ZYG11A: variants seen among roughly 807,000 people sequenced by gnomAD.
ZYG11A encodes the protein protein zyg-11 homolog A.
In ZYG11A, 62 loss-of-function variants were observed where a neutral mutation model predicts 77.2. The ratio of observed to expected loss-of-function variants is 0.80; its 90% confidence interval spans 0.65 to 0.99. The LOEUF (loss-of-function observed/expected upper bound fraction) is 0.99, where lower values mean the gene tolerates loss of function less well. Ranked by LOEUF, ZYG11A falls within the 50% of genes least tolerant of loss-of-function variation. The pLI is 0.00. For synonymous variants in ZYG11A, 315 were observed against 324.6 expected (o/e 0.97, Z 0.32); for missense variants, 828 against 896.8 (o/e 0.92, Z 0.98).
intron 1 of ZYG11A, among the ~76,000 whole-genome samples, chr1:52,849,410 C>T (rs2149986615): frequency 6.6e-6 from 1 of 152,128 alleles, no homozygotes; most frequent in South Asian, 2.1e-4. Context: ...GTCGCTCAGG[C>T]TGGAGTGCAG....
chr1:52,845,122 T>G (rs1229773119), intron 1 of ZYG11A, among the ~76,000 whole-genome samples: 1 of 152,084 alleles, frequency 6.6e-6, no homozygotes, highest in Non-Finnish European at 1.5e-5. Flanking sequence ...CTTGATGAAT[T>G]GGCCCTTTTA....
At chr1:52,846,310 TTATATATATATATATATA>T (rs869093943) in intron 1 of ZYG11A, among the ~76,000 whole-genome samples, 1,212 of 35,600 alleles carry the variant, frequency 0.034, 33 homozygotes, top group Non-Finnish European at 0.066. Context: ...TTTTAAATTT[TTATATATATATATATATA>T]TATATATATA....
intron 1 of ZYG11A, among the ~76,000 whole-genome samples, chr1:52,852,296 C>T (rs1019841225): frequency 6.6e-6 from 1 of 151,726 alleles, no homozygotes. Flanking sequence ...ATCCACCCAC[C>T]TCATCTTCCC....
At chr1:52,871,204 T>A (rs965228725) in intron 8 of ZYG11A, among the ~76,000 whole-genome samples, 1 of 152,314 alleles carries the variant, frequency 6.6e-6, no homozygotes, top group African/African-American at 2.4e-5. Flanking sequence ...GCAAGTGGCA[T>A]GATCATGGTT....
rs1266242773 is a variant in ZYG11A, at chr1:52,846,306, ATT to A, written c.90+3337_90+3338del. On this transcript the variant is annotated intron_variant, in intron 1 of 13. Transcript: ENST00000371528. ...TCTTTTGGAAATCATGGCTTTTTAAATTTTTATATATATATATATATATATAT... is the reference window on the plus strand; with the variant it reads ...TCTTTTGGAAATCATGGCTTTTTAAATTTATATATATATATATATATATAT... Among the ~76,000 whole-genome samples the A allele has an allele frequency of 4.3e-3, 127 of 29,486 alleles. 4 individuals are homozygous for A. Among genetic ancestry groups the A allele is most frequent in the African/African-American group, 0.013 (92 of 7,316 alleles). 19.3% of individuals were successfully genotyped at this position (29,486 alleles called of 152,430 possible).
intron 1 of ZYG11A, among the ~76,000 whole-genome samples, chr1:52,850,958 C>T (rs1645698166): frequency 6.6e-6 from 1 of 151,958 alleles, no homozygotes; most frequent in Admixed American, 6.6e-5. Context: ...TTTCCTGCTT[C>T]TCATGTCTGA....
chr1:52,845,387 C>T (rs1465123680), intron 1 of ZYG11A, among the ~76,000 whole-genome samples: 1 of 149,632 alleles, frequency 6.7e-6, no homozygotes, highest in African/African-American at 2.5e-5. Flanking sequence ...CTCACTGCAA[C>T]CTCCGCCTCC....
Position 52,893,166 on chromosome 1 carries a change from A to G in ZYG11A, c.*209A>G. On this transcript the variant is annotated 3_prime_UTR_variant, in exon 14 of 14. Coordinates refer to ENST00000371528, the MANE Select transcript of ZYG11A (RefSeq NM_001004339.3). Reference sequence around the variant, plus strand: ...ACTCATTCTGCAGCCTTTCAGCAGCAATTTTGAAGACTCAAACCGTGGACT... The same window carrying G: ...ACTCATTCTGCAGCCTTTCAGCAGCGATTTTGAAGACTCAAACCGTGGACT... 1.9e-6 allele frequency: 1 copy of G among 520,626 alleles called. No homozygotes were observed. The allele number at this position is 520,626 out of a possible 1,614,324, so 32.3% of individuals were successfully genotyped here.
At chr1:52,859,642 T>A (rs900200870) in intron 3 of ZYG11A, among the ~76,000 whole-genome samples, 58 of 147,516 alleles carry the variant, frequency 3.9e-4, no homozygotes, top group Non-Finnish European at 1.2e-4. Flanking sequence ...GCTGGGCTCT[T>A]TATTTTTATC....
At chr1:52,889,629 A>C (rs987845152) in intron 13 of ZYG11A, among the ~76,000 whole-genome samples, 4 of 151,790 alleles carry the variant, frequency 2.6e-5, no homozygotes, top group Non-Finnish European at 4.4e-5. Flanking sequence ...AATATATTTT[A>C]GTTCTACCTT....
At chr1:52,871,736 C>G (rs542979249) in intron 8 of ZYG11A, among the ~76,000 whole-genome samples, 1 of 152,304 alleles carries the variant, frequency 6.6e-6, no homozygotes, top group South Asian at 2.1e-4. Context: ...GATCTGTCCT[C>G]GGATTTCTTT....
chr1:52,889,775 A>G (rs906464193), intron 13 of ZYG11A, among the ~76,000 whole-genome samples: 5 of 147,084 alleles, frequency 3.4e-5, no homozygotes, highest in African/African-American at 1.3e-4. Flanking sequence ...GCAGTGGTGC[A>G]CTCTTGGCTC....
At chr1:52,890,929 G>A (rs993675220) in intron 13 of ZYG11A, among the ~76,000 whole-genome samples, 3 of 150,618 alleles carry the variant, frequency 2.0e-5, no homozygotes, top group East Asian at 2.0e-4. Context: ...AGACAGTTTC[G>A]CTCTTGTTGC....
chr1:52,847,695 G>C (rs2149984382), intron 1 of ZYG11A, among the ~76,000 whole-genome samples: 1 of 149,014 alleles, frequency 6.7e-6, no homozygotes, highest in Admixed American at 6.7e-5. Context: ...CCTTGGGACG[G>C]AGTCTCGCTC....
chr1:52,855,164 C>T (rs960374333), intron 2 of ZYG11A, among the ~76,000 whole-genome samples: 3 of 150,862 alleles, frequency 2.0e-5, no homozygotes, highest in East Asian at 2.0e-4. Flanking sequence ...GCCCGGCCTG[C>T]TCTCTAGCTT....
chr1:52,885,668 T>G (rs940137228), intron 11 of ZYG11A, among the ~76,000 whole-genome samples, 165 bp from the exon 12 acceptor site: 4 of 109,826 alleles, frequency 3.6e-5, no homozygotes, highest in African/African-American at 1.2e-4. Flanking sequence ...TTCTTGTAAT[T>G]TTTCCCACAT....
At chr1:52,892,302 C>CGGAT (rs1175315048) in intron 13 of ZYG11A, among the ~76,000 whole-genome samples, 1 of 147,346 alleles carries the variant, frequency 6.8e-6, no homozygotes, top group East Asian at 2.1e-4. Flanking sequence ...CCGAGGCGGG[C>CGGAT]GGATCATGAG....
chr1:52,892,247 G>GC (rs1049801203), intron 13 of ZYG11A, among the ~76,000 whole-genome samples: 4 of 145,104 alleles, frequency 2.8e-5, no homozygotes, highest in Admixed American at 6.9e-5. Flanking sequence ...AGATGTTTGG[G>GC]CCAGGCATGG....
intron 1 of ZYG11A, among the ~76,000 whole-genome samples, chr1:52,849,187 C>T (rs541944765): frequency 5.3e-4 from 81 of 152,168 alleles, no homozygotes; most frequent in African/African-American, 1.6e-3. Context: ...CTTCAGCCTC[C>T]TGAGTAGCTG....
Sources: allele counts gnomAD v4.1 joint callset (sites outside exome capture counted in the v4.1 genomes callset), GRCh38; gene constraint gnomAD v4.1.1; transcripts MANE v1.5; gene names NCBI Gene and HGNC (gene_info 2026-07-23, HGNC 2026-07-21).